SLC25A21: variants seen among roughly 807,000 people sequenced by gnomAD.
SLC25A21 encodes solute carrier family 25 member 21.
A neutral mutation model predicts 43.8 loss-of-function variants in SLC25A21; 47 were observed. The observed-to-expected ratio is 1.07, with a 90% CI of 0.85 to 1.37. The LOEUF is 1.37. Among genes scored for constraint, SLC25A21 ranks in the 40% most tolerant of loss-of-function variants. The probability of loss-of-function intolerance (pLI) is 0.00; values close to 1 mark genes in which losing one functional copy is unlikely to be tolerated. For missense variants in SLC25A21, 352 were observed against 350.2 expected (o/e 1.00, Z -0.04); for synonymous variants, 131 against 121.3 (o/e 1.08, Z -0.52).
intron 2 of SLC25A21, among the ~76,000 whole-genome samples, chr14:36,820,787 T>A (rs1241643980): frequency 1.3e-5 from 2 of 152,288 alleles, no homozygotes; most frequent in South Asian, 2.1e-4. Flanking sequence ...TAATAAGTGG[T>A]GATGAGCCTA....
intron 1 of SLC25A21, among the ~76,000 whole-genome samples, chr14:36,992,238 C>A (rs1444290493): frequency 6.6e-6 from 1 of 152,046 alleles, no homozygotes; most frequent in Non-Finnish European, 1.5e-5. Context: ...TACCACTACC[C>A]AATCCCCAAG....
intron 1 of SLC25A21, among the ~76,000 whole-genome samples, chr14:37,162,992 G>A (rs902687950): frequency 6.6e-6 from 1 of 152,074 alleles, no homozygotes; most frequent in Non-Finnish European, 1.5e-5. Flanking sequence ...TCCTTTGTAG[G>A]GACATGGATG....
intron 1 of SLC25A21, among the ~76,000 whole-genome samples, chr14:36,878,342 G>C (rs1478429336): frequency 6.6e-6 from 1 of 152,138 alleles, no homozygotes; most frequent in African/African-American, 2.4e-5. Context: ...GTCAAAACAA[G>C]TAATTTGTAG....
chr14:37,080,330 T>A (rs1407572460), intron 1 of SLC25A21, among the ~76,000 whole-genome samples: 1 of 152,210 alleles, frequency 6.6e-6, no homozygotes, highest in Non-Finnish European at 1.5e-5. Flanking sequence ...CGGTGCCTCA[T>A]GCCAGTAATC....
chr14:37,022,806 A>G (rs769118114), intron 1 of SLC25A21, among the ~76,000 whole-genome samples: 1 of 152,096 alleles, frequency 6.6e-6, no homozygotes, highest in African/African-American at 2.4e-5. Context: ...TTGTTAGTAA[A>G]GGAGTGAGAG....
At chr14:36,756,410 G>A (rs560626739) in intron 3 of SLC25A21, among the ~76,000 whole-genome samples, 46 of 152,354 alleles carry the variant, frequency 3.0e-4, no homozygotes, top group African/African-American at 9.6e-4. Context: ...GAAGCATGAC[G>A]TGGTTCACGA....
chr14:37,141,779 G>A (rs1963575143), intron 1 of SLC25A21, among the ~76,000 whole-genome samples: 1 of 152,092 alleles, frequency 6.6e-6, no homozygotes, highest in Non-Finnish European at 1.5e-5. Flanking sequence ...AGATTGCACT[G>A]ACTTTATTTT....
chr14:36,824,707 G>A (rs1888759160), intron 2 of SLC25A21, among the ~76,000 whole-genome samples: 1 of 146,374 alleles, frequency 6.8e-6, no homozygotes, highest in Admixed American at 7.0e-5. Context: ...TGAGTGACCA[G>A]TAAAAGTGCT....
chr14:36,941,289 G>A (rs1429841), intron 1 of SLC25A21, among the ~76,000 whole-genome samples: 2 of 152,036 alleles, frequency 1.3e-5, no homozygotes, highest in Admixed American at 1.3e-4. Flanking sequence ...ATATAGTTTA[G>A]GCAGTCAACA....
chr14:36,695,232 G>A (rs1170516776), intron 7 of SLC25A21, among the ~76,000 whole-genome samples: 2 of 152,062 alleles, frequency 1.3e-5, no homozygotes, highest in African/African-American at 2.4e-5. Flanking sequence ...GATGTGTGGT[G>A]TTATTTCTGA....
intron 1 of SLC25A21, among the ~76,000 whole-genome samples, chr14:36,969,467 CT>C (rs1302523488): frequency 6.6e-6 from 1 of 152,090 alleles, no homozygotes; most frequent in East Asian, 1.9e-4. Context: ...GCCCAAGGAA[CT>C]CCTAGAAACT....
At chr14:36,918,557 G>C (rs893751176) in intron 1 of SLC25A21, among the ~76,000 whole-genome samples, 1 of 152,070 alleles carries the variant, frequency 6.6e-6, no homozygotes. Context: ...AGAATTGCAG[G>C]ATGAGAAAGC....
chr14:37,115,908 A>C (rs1010496955), intron 1 of SLC25A21, among the ~76,000 whole-genome samples: 1 of 152,220 alleles, frequency 6.6e-6, no homozygotes, highest in African/African-American at 2.4e-5. Flanking sequence ...AAGTATTTAA[A>C]GATTAAACGT....
chr14:36,778,934 C>T (rs1235871733), intron 3 of SLC25A21, among the ~76,000 whole-genome samples: 2 of 151,946 alleles, frequency 1.3e-5, no homozygotes, highest in Non-Finnish European at 2.9e-5. Flanking sequence ...ATGTATTCAC[C>T]TTATAACTGA....
rs934751565 is a variant in SLC25A21 at position 36,980,531 on chromosome 14, C to T, written c.71-105527G>A. The stretch of plus-strand genomic sequence containing the variant: ...ACTGATACCCTTTCTTCCAGTTGAT[C>T]GAATTGGCTACTGAAGCTTGTGCAA... On this transcript the variant is annotated intron_variant, in intron 1 of 9. Transcript: ENST00000331299. Among the ~76,000 whole-genome samples the T allele has an allele frequency of 2.6e-4, 39 of 152,286 alleles. 1 individual carries two copies. Among genetic ancestry groups the T allele is most frequent in the South Asian group, 4.1e-4 (2 of 4,828 alleles).
chr14:36,903,894 A>G (rs956490756), intron 1 of SLC25A21, among the ~76,000 whole-genome samples: 1 of 152,186 alleles, frequency 6.6e-6, no homozygotes, highest in Admixed American at 6.5e-5. Flanking sequence ...ACTAAGCGCA[A>G]TCACTTTGCT....
chr14:36,699,989 T>G (rs1469274321), intron 7 of SLC25A21, among the ~76,000 whole-genome samples: 1 of 152,164 alleles, frequency 6.6e-6, no homozygotes, highest in African/African-American at 2.4e-5. Context: ...ATGAACCAGG[T>G]GCCTCAGTTG....
At chr14:37,009,857 G>A (rs1028773068) in intron 1 of SLC25A21, among the ~76,000 whole-genome samples, 1 of 152,124 alleles carries the variant, frequency 6.6e-6, no homozygotes, top group Admixed American at 6.6e-5. Flanking sequence ...AGAGAGTGGG[G>A]AGAGACAGGG....
intron 1 of SLC25A21, among the ~76,000 whole-genome samples, chr14:36,990,721 A>C (rs1367399535): frequency 1.3e-5 from 2 of 152,098 alleles, no homozygotes; most frequent in Admixed American, 6.5e-5. Context: ...TACGAAAAAT[A>C]AACAAAATTA....
Sources: allele counts gnomAD v4.1 joint callset (sites outside exome capture counted in the v4.1 genomes callset), GRCh38; gene constraint gnomAD v4.1.1; transcripts MANE v1.5; gene names NCBI Gene and HGNC (gene_info 2026-07-23, HGNC 2026-07-21).